The following DERL1 variants were observed in gnomAD, a reference collection of about 807,000 sequenced individuals.
DERL1 encodes derlin 1.
A neutral mutation model predicts 41.6 loss-of-function variants in DERL1; 24 were observed. That is an observed-to-expected ratio of 0.58 (90% CI 0.42 to 0.81). The LOEUF is 0.81. Ranked by LOEUF, DERL1 falls within the 30% of genes least tolerant of loss-of-function variation. DERL1 has a pLI of 0.00. For missense variants in DERL1, 260 were observed against 314.3 expected (o/e 0.83, Z 1.31); for synonymous variants, 124 against 112.5 (o/e 1.10, Z -0.65).
At chr8:123,034,345 A>T (rs1455101848) in intron 1 of DERL1, among the ~76,000 whole-genome samples, 1 of 152,246 alleles carries the variant, frequency 6.6e-6, no homozygotes, top group Non-Finnish European at 1.5e-5. Context: ...TCACAACTTT[A>T]TCACAGAAAC....
intron 3 of DERL1, among the ~76,000 whole-genome samples, chr8:123,023,984 A>T (rs1554595271): frequency 4.6e-5 from 7 of 152,204 alleles, no homozygotes; most frequent in South Asian, 2.1e-4. Flanking sequence ...AATTAAAAAA[A>T]TTTTTAAGTT....
chr8:123,036,133 C>G (rs778966947), intron 1 of DERL1, among the ~76,000 whole-genome samples: 1 of 152,086 alleles, frequency 6.6e-6, no homozygotes, highest in African/African-American at 2.4e-5. Flanking sequence ...ATATAGGCAA[C>G]AGAAATTACT....
chr8:123,034,471 A>C (rs747174217), intron 1 of DERL1, among the ~76,000 whole-genome samples: 3 of 152,174 alleles, frequency 2.0e-5, no homozygotes, highest in Non-Finnish European at 4.4e-5. Context: ...TTTTAAAGAA[A>C]TCAATAAATT....
chr8:123,025,056 A>G lies in DERL1; in HGVS notation c.266-6T>C. The G allele has an allele frequency of 6.2e-7, 1 of 1,613,028 alleles. No homozygotes were observed. The highest frequency in any genetic ancestry group is 8.5e-7 in the Non-Finnish European group (1 of 1,179,522). On this transcript the variant is annotated splice_region_variant and splice_polypyrimidine_tract_variant and intron_variant, in intron 2 of 7. Transcript: ENST00000259512. ...TGGCCTCCCATCAAAAGCTCCTGGA[A>G]ACAAAAACAAGCCAAATGTCATGGT...
Position 123,022,760 on chromosome 8 carries a change from A to T in DERL1, c.377T>A (p.Ile126Asn). The change falls in exon 5 of 8, where the codon ATC becomes AAC. Residue 126 changes from isoleucine (I) to asparagine (N), a missense_variant. Physicochemically the swap from Ile to Asn is moderately radical, Grantham distance 149 (BLOSUM62 -3). Coordinates refer to ENST00000259512, the MANE Select transcript of DERL1 (RefSeq NM_024295.6). ...MDMQLLMIPL[I>N]MSVLYVWAQL... is the part of the protein sequence containing the mutation. ...GGCCCAGACATAAAGTACTGACATG[A>T]TCAGAGGAATCATCAGCAACTGCAA... is the stretch of plus-strand genomic sequence containing the variant. The T allele has an allele frequency of 6.2e-7, 1 of 1,614,080 alleles. No individual in the cohort carries two copies. The highest frequency in any genetic ancestry group is 8.5e-7 in the Non-Finnish European group (1 of 1,179,954).
At chr8:123,030,214 T>C (rs1369711727) in intron 2 of DERL1, 1 of 156,014 alleles carries the variant, frequency 6.4e-6, no homozygotes, top group Non-Finnish European at 1.4e-5. Flanking sequence ...ATTGATGTTT[T>C]TCAACCCCAA....
intron 1 of DERL1, among the ~76,000 whole-genome samples, chr8:123,038,139 A>G (rs1436908570): frequency 6.6e-6 from 1 of 152,214 alleles, no homozygotes; most frequent in East Asian, 1.9e-4. Flanking sequence ...ACAAGAATCT[A>G]GAGCTGAGGA....
rs1814534187 is a variant in DERL1 at position 123,015,414 on chromosome 8, G to A, written c.*33C>T. ...GCACCCAGCACTGGGAGGAAATGTGGCTTGAGAGGAGCGGCTGCCCGAGGC... is the reference window on the plus strand; with the variant it reads ...GCACCCAGCACTGGGAGGAAATGTGACTTGAGAGGAGCGGCTGCCCGAGGC... On this transcript the variant is annotated 3_prime_UTR_variant, in exon 8 of 8. Transcript: ENST00000259512. The A allele has an allele frequency of 6.2e-7, 1 of 1,607,392 alleles. No homozygotes were observed. Among genetic ancestry groups the A allele is most frequent in the African/African-American group, 1.3e-5 (1 of 74,856 alleles).
intron 1 of DERL1, among the ~76,000 whole-genome samples, chr8:123,033,815 T>G (rs900009616): frequency 6.6e-6 from 1 of 152,216 alleles, no homozygotes; most frequent in Non-Finnish European, 1.5e-5. Flanking sequence ...CTTTTGTATC[T>G]TATTTCATTC....
intron 5 of DERL1, among the ~76,000 whole-genome samples, chr8:123,022,413 T>C (rs1229428471): frequency 8.6e-6 from 1 of 115,944 alleles, no homozygotes; most frequent in Non-Finnish European, 2.1e-5. Flanking sequence ...GAGTTATCTC[T>C]CCTTCTCTCT....
At chr8:123,023,989 TA>T (rs113623253) in intron 3 of DERL1, among the ~76,000 whole-genome samples, 13 of 152,354 alleles carry the variant, frequency 8.5e-5, no homozygotes, top group African/African-American at 2.9e-4. Flanking sequence ...AAAAAATTTT[TA>T]AGTTAATTCC....
chr8:123,027,512 G>C (rs532892447), intron 2 of DERL1, among the ~76,000 whole-genome samples: 4 of 152,212 alleles, frequency 2.6e-5, no homozygotes, highest in African/African-American at 7.2e-5. Flanking sequence ...TACCGTACAT[G>C]AATTACATCT....
At chr8:123,015,670 C>T in intron 7 of DERL1, 85 bp from the exon 8 acceptor site, 12 of 1,475,322 alleles carry the variant, frequency 8.1e-6, no homozygotes, top group Non-Finnish European at 1.1e-5. Context: ...GAACACCTCC[C>T]TCTCCTGCTG....
chr8:123,021,485 G>A lies in DERL1; in HGVS notation c.468C>T (p.Pro156=), dbSNP rs1165609893. 8.1e-6 allele frequency: 13 copies of A among 1,613,718 alleles called. No individual in the cohort carries two copies. Among genetic ancestry groups the A allele is most frequent in the African/African-American group, 1.3e-5 (1 of 74,916 alleles). The change falls in exon 6 of 8, where the codon CCC becomes CCT. Residue 156 remains proline (P), a synonymous_variant. Coordinates refer to ENST00000259512, the MANE Select transcript of DERL1 (RefSeq NM_024295.6). ...FGTRFKACYL[P]WVILGFNYII... is the part of the protein sequence containing the mutation. Reference sequence around the variant, plus strand: ...TATAGTTGAATCCAAGGATAACCCAGGGTAAATAGCAGGCCTAGGATGGAA... The same window carrying A: ...TATAGTTGAATCCAAGGATAACCCAAGGTAAATAGCAGGCCTAGGATGGAA...
chr8:123,029,701 G>A (rs976182924), intron 2 of DERL1, among the ~76,000 whole-genome samples: 6 of 152,176 alleles, frequency 3.9e-5, no homozygotes, highest in African/African-American at 1.4e-4. Flanking sequence ...ATAAGGTATT[G>A]TAGGAAATAA....
chr8:123,033,896 A>G (rs1469060846), intron 1 of DERL1, among the ~76,000 whole-genome samples: 1 of 152,198 alleles, frequency 6.6e-6, no homozygotes, highest in Non-Finnish European at 1.5e-5. Flanking sequence ...TGGCCTTCCT[A>G]AACTTTTGGA....
intron 1 of DERL1, among the ~76,000 whole-genome samples, chr8:123,031,543 C>CA (rs1046499839): frequency 4.6e-5 from 7 of 151,904 alleles, no homozygotes; most frequent in Admixed American, 2.6e-4. Context: ...AACTCCGTCT[C>CA]AAAAAATTAA....
chr8:123,028,796 G>A (rs1812757319), intron 2 of DERL1, among the ~76,000 whole-genome samples: 2 of 152,266 alleles, frequency 1.3e-5, no homozygotes, highest in African/African-American at 2.4e-5. Context: ...GCTGGGCACA[G>A]TGGCTCACGC....
At chr8:123,019,418 G>T in intron 6 of DERL1, 113 bp from the exon 7 acceptor site, 1 of 703,402 alleles carries the variant, frequency 1.4e-6, no homozygotes, top group Non-Finnish European at 2.4e-6. Context: ...GTCCCTGGGA[G>T]TCTGTGAGAG....
Sources: allele counts gnomAD v4.1 joint callset (sites outside exome capture counted in the v4.1 genomes callset), GRCh38; gene constraint gnomAD v4.1.1; transcripts MANE v1.5; gene names NCBI Gene and HGNC (gene_info 2026-07-23, HGNC 2026-07-21).